ANXA4: variants seen among roughly 807,000 people sequenced by gnomAD.
ANXA4 encodes the protein 35-beta calcimedin.
ANXA4 carries 39 observed loss-of-function variants against 49.8 expected under a neutral mutation model. The ratio of observed to expected loss-of-function variants is 0.78; its 90% CI spans 0.61 to 1.02. The LOEUF is 1.02. Ranked by LOEUF, ANXA4 falls within the 50% of genes least tolerant of loss-of-function variation. The probability of loss-of-function intolerance (pLI) is 0.00; values close to 1 mark genes in which losing one functional copy is unlikely to be tolerated. For synonymous variants in ANXA4, 134 were observed against 152.5 expected (o/e 0.88, Z 0.89); for missense variants, 360 against 410.1 (o/e 0.88, Z 1.05).
At position 69,820,794 on chromosome 2, in the gene ANXA4, T is replaced by C. The variant is rs1347801845; in HGVS notation, c.879T>C (p.Tyr293=). The change falls in exon 12 of 13, where the codon TAT becomes TAC. Residue 293 remains tyrosine (Y), a synonymous_variant. Transcript: ENST00000394295. ...TCCGGGCACACTTCAAGAGACTCTA[T>C]GGAAAGTCTCTGTACTCGTTCATCA... is the stretch of plus-strand genomic sequence containing the variant. ...LDIRAHFKRL[Y]GKSLYSFIKG... The C allele has an allele frequency of 1.9e-6, 3 of 1,613,964 alleles. No homozygotes were observed. The highest frequency in any genetic ancestry group is 4.5e-5 in the East Asian group (2 of 44,890).
At chr2:69,794,254 G>C (rs975029286) in intron 3 of ANXA4, among the ~76,000 whole-genome samples, 2 of 152,140 alleles carry the variant, frequency 1.3e-5, no homozygotes. Flanking sequence ...ACATTGTGTG[G>C]GGTTAAACAG....
intron 2 of ANXA4, among the ~76,000 whole-genome samples, chr2:69,697,183 G>A (rs1678186715): frequency 6.6e-6 from 1 of 152,170 alleles, no homozygotes; most frequent in Admixed American, 6.5e-5. Flanking sequence ...TATGATCTTA[G>A]CTAGATCTTC....
chr2:69,722,342 G>A (rs1669836567), intron 3 of ANXA4, among the ~76,000 whole-genome samples: 1 of 152,120 alleles, frequency 6.6e-6, no homozygotes. Flanking sequence ...AGCGTTATTC[G>A]CCATAGCCAA....
intron 3 of ANXA4, among the ~76,000 whole-genome samples, chr2:69,724,227 C>T (rs993839857): frequency 6.6e-6 from 1 of 152,214 alleles, no homozygotes; most frequent in Non-Finnish European, 1.5e-5. Context: ...ATCTTGTGCC[C>T]CATCTCCTAG....
At chr2:69,680,381 A>G (rs987758508) in intron 2 of ANXA4, among the ~76,000 whole-genome samples, 2 of 152,112 alleles carry the variant, frequency 1.3e-5, no homozygotes, top group Non-Finnish European at 2.9e-5. Flanking sequence ...GAATTCATTT[A>G]TCAGTTCTAA....
At chr2:69,817,740 A>AC (rs1309386923) in intron 9 of ANXA4, 1 of 151,938 alleles carries the variant, frequency 6.6e-6, no homozygotes, top group African/African-American at 2.4e-5. Flanking sequence ...CTAAATATTG[A>AC]CCCCCTACTT....
At chr2:69,790,370 G>T (rs1672633403) in intron 3 of ANXA4, among the ~76,000 whole-genome samples, 1 of 151,972 alleles carries the variant, frequency 6.6e-6, no homozygotes, top group Non-Finnish European at 1.5e-5. Context: ...TTGATTTAAG[G>T]GTCCCTCGTA....
chr2:69,795,752 G>T (rs189471664), intron 3 of ANXA4, among the ~76,000 whole-genome samples: 2 of 152,318 alleles, frequency 1.3e-5, no homozygotes, highest in African/African-American at 4.8e-5. Context: ...TTGTCCTGGG[G>T]CCATGAGGAT....
At chr2:69,682,228 G>A (rs1159856035) in intron 2 of ANXA4, among the ~76,000 whole-genome samples, 1 of 152,062 alleles carries the variant, frequency 6.6e-6, no homozygotes, top group East Asian at 1.9e-4. Context: ...TGATGTAGGT[G>A]TTTATTGATA....
chr2:69,729,498 G>A (rs1670043232), intron 3 of ANXA4, among the ~76,000 whole-genome samples: 1 of 152,200 alleles, frequency 6.6e-6, no homozygotes, highest in South Asian at 2.1e-4. Context: ...GCAATGTCTG[G>A]AGACATTTTT....
chr2:69,724,377 A>G (rs562637014), intron 3 of ANXA4, among the ~76,000 whole-genome samples: 1 of 152,360 alleles, frequency 6.6e-6, no homozygotes, highest in East Asian at 1.9e-4. Context: ...AAAAACAGCC[A>G]GTATTCCATT....
chr2:69,656,595 C>G (rs987617967), intron 2 of ANXA4, among the ~76,000 whole-genome samples: 1 of 148,444 alleles, frequency 6.7e-6, no homozygotes, highest in Non-Finnish European at 1.5e-5. Context: ...CTCTATCCCC[C>G]AGGATGGAGT....
At chr2:69,723,596 C>A (rs1669878288) in intron 3 of ANXA4, among the ~76,000 whole-genome samples, 1 of 152,170 alleles carries the variant, frequency 6.6e-6, no homozygotes, top group African/African-American at 2.4e-5. Flanking sequence ...TGCAGTGTGT[C>A]TTTTGTCTAT....
chr2:69,730,039 C>T (rs544244273), intron 3 of ANXA4, among the ~76,000 whole-genome samples: 1 of 152,316 alleles, frequency 6.6e-6, no homozygotes, highest in South Asian at 2.1e-4. Flanking sequence ...TGAAGATTTG[C>T]TTACATTCTC....
In ANXA4 at chr2:69,820,827, T is replaced by G; in HGVS notation, c.906+6T>G. On this transcript the variant is annotated splice_donor_region_variant and intron_variant, in intron 12 of 12. Transcript: ENST00000394295. Reference sequence around the variant, plus strand: ...CTCTGTACTCGTTCATCAAGGTAGGTCACAGCAGCCTAAGTCCAGAGTAAA... The same window carrying G: ...CTCTGTACTCGTTCATCAAGGTAGGGCACAGCAGCCTAAGTCCAGAGTAAA... The G allele has an allele frequency of 6.2e-7, 1 of 1,613,638 alleles. No individual in the cohort carries two copies. Among genetic ancestry groups the G allele is most frequent in the Non-Finnish European group, 8.5e-7 (1 of 1,179,754 alleles).
intron 1 of ANXA4, among the ~76,000 whole-genome samples, chr2:69,753,510 G>A (rs1339836602): frequency 6.6e-6 from 1 of 152,162 alleles, no homozygotes; most frequent in Non-Finnish European, 1.5e-5. Flanking sequence ...CTGTACAATC[G>A]ATATTAAGTA....
chr2:69,777,581 T>G (rs1171558873), intron 1 of ANXA4, among the ~76,000 whole-genome samples: 2 of 152,208 alleles, frequency 1.3e-5, no homozygotes, highest in Non-Finnish European at 2.9e-5. Context: ...TATCCCTTAC[T>G]CTAAGTCACA....
At chr2:69,644,770 C>T (rs1675936857) in exon 1 of ANXA4, 1 of 152,248 alleles carries the variant, frequency 6.6e-6, no homozygotes, top group South Asian at 2.1e-4. Flanking sequence ...AGAACACTAA[C>T]CCTAACCTGA....
intron 2 of ANXA4, among the ~76,000 whole-genome samples, chr2:69,678,389 C>CTTTTTTTTTTTT (rs150952411): frequency 1.8e-4 from 14 of 78,368 alleles, no homozygotes; most frequent in Non-Finnish European, 2.8e-4. Context: ...CTTTTCTTTT[C>CTTTTTTTTTTTT]TTTTTTTTTT....
Sources: allele counts gnomAD v4.1 joint callset (sites outside exome capture counted in the v4.1 genomes callset), GRCh38; gene constraint gnomAD v4.1.1; transcripts MANE v1.5; gene names NCBI Gene and HGNC (gene_info 2026-07-23, HGNC 2026-07-21).